Variants in RBM20 observed in about 807,000 individuals in gnomAD.
RBM20 encodes the protein RNA-binding protein 20.
RBM20 carries 51 observed loss-of-function variants against 110.1 expected under a neutral mutation model. That is an observed-to-expected ratio of 0.46 (90% CI 0.37 to 0.59). RBM20 has a LOEUF of 0.59. RBM20 is among the 20% of genes least tolerant of loss of function. The probability of loss-of-function intolerance (pLI) is 0.00; values close to 1 mark genes in which losing one functional copy is unlikely to be tolerated. For synonymous variants in RBM20, 589 were observed against 618.2 expected, an observed-to-expected ratio of 0.95 and a Z score of 0.70; for missense variants, 1,512 against 1,574.9, an observed-to-expected ratio of 0.96 and a Z score of 0.68.
intron 1 of RBM20, among the ~76,000 whole-genome samples, chr10:110,736,445 C>T (rs948879487): frequency 6.6e-5 from 10 of 152,126 alleles, no homozygotes; most frequent in Non-Finnish European, 1.0e-4. Context: ...AAATTTTATA[C>T]ACTTTTTGGA....
At chr10:110,835,819 G>C in intron 13 of RBM20, 49 bp from the exon 14 acceptor site, 1 of 1,535,214 alleles carries the variant, frequency 6.5e-7, no homozygotes, top group Non-Finnish European at 8.8e-7. Flanking sequence ...TCTCCATCTA[G>C]GTCCCTACTA....
chr10:110,750,963 G>A (rs899114808), intron 1 of RBM20, among the ~76,000 whole-genome samples: 1 of 150,086 alleles, frequency 6.7e-6, no homozygotes, highest in Admixed American at 6.6e-5. Context: ...CAGACCTGCT[G>A]ACCACTTCTG....
chr10:110,706,622 C>G (rs1173425569), intron 1 of RBM20, among the ~76,000 whole-genome samples: 2 of 152,170 alleles, frequency 1.3e-5, no homozygotes. Context: ...TCTGGTCTCT[C>G]TTGGGATGAA....
At chr10:110,753,677 C>T (rs1241237749) in intron 1 of RBM20, among the ~76,000 whole-genome samples, 1 of 152,202 alleles carries the variant, frequency 6.6e-6, no homozygotes, top group Non-Finnish European at 1.5e-5. Flanking sequence ...CTCAAAACGA[C>T]ACAAATTCAT....
chr10:110,834,730 G>A (rs1845100480), intron 13 of RBM20, among the ~76,000 whole-genome samples: 2 of 152,242 alleles, frequency 1.3e-5, no homozygotes, highest in East Asian at 1.9e-4. Flanking sequence ...TGACTTCAAA[G>A]TGCACACACT....
At chr10:110,802,206 G>T (rs527643841) in intron 7 of RBM20, among the ~76,000 whole-genome samples, 5 of 152,232 alleles carry the variant, frequency 3.3e-5, no homozygotes, top group Non-Finnish European at 7.4e-5. Context: ...CACCTTCAAG[G>T]TTGAAGTTAG....
rs542557973 is a variant in RBM20 at position 110,803,729 on chromosome 10, A to T, written c.1800+3811A>T. Among the ~76,000 whole-genome samples the T allele has an allele frequency of 2.3e-5, 3 of 130,048 alleles. No homozygotes were observed. The Admixed American group carries it at 2.8e-4, about 12-fold the overall frequency. The allele number at this position is 130,048 out of a possible 152,430, so 85.3% of individuals were successfully genotyped here. A position where few individuals can be genotyped will look rare whatever the true frequency, so the allele number is the denominator to read the frequency against. ...TCAACTACATAGTAATGCATGCTTT[A>T]TGGTCCCTATGTTGATATGAATCAG... On this transcript the variant is annotated intron_variant, in intron 7 of 13. Transcript: ENST00000369519.
chr10:110,702,619 G>C (rs979308239), intron 1 of RBM20, among the ~76,000 whole-genome samples: 4 of 152,234 alleles, frequency 2.6e-5, no homozygotes, highest in African/African-American at 9.6e-5. Context: ...GCTTTCCCCT[G>C]GGTGTTGGGA....
intron 1 of RBM20, among the ~76,000 whole-genome samples, chr10:110,687,995 TTGTGTGTGTGTGTGTGTGTGTG>T (rs60479740): frequency 6.9e-6 from 1 of 145,376 alleles, no homozygotes; most frequent in Non-Finnish European, 1.5e-5. Context: ...CTAAATGGTT[TTGTGTGTGTGTGTGTGTGTGTG>T]TGTGTGTGTG....
intron 1 of RBM20, among the ~76,000 whole-genome samples, chr10:110,676,572 T>C (rs1862343207): frequency 6.6e-6 from 1 of 152,382 alleles, no homozygotes; most frequent in East Asian, 1.9e-4. Flanking sequence ...ACTGTTCATA[T>C]GGTAGTTTTT....
intron 11 of RBM20, among the ~76,000 whole-genome samples, chr10:110,822,777 T>C (rs757353986): frequency 6.6e-6 from 1 of 152,158 alleles, no homozygotes; most frequent in Non-Finnish European, 1.5e-5. Flanking sequence ...GTTAGGTAAC[T>C]GGGAGGCTTG....
chr10:110,680,193 TG>T (rs766016360), intron 1 of RBM20, among the ~76,000 whole-genome samples: 3 of 151,944 alleles, frequency 2.0e-5, no homozygotes, highest in Non-Finnish European at 4.4e-5. Flanking sequence ...GGAATGTTCT[TG>T]GTGGGGGCGG....
rs1376977254 is a variant in RBM20, at chr10:110,835,977, G to A, written c.3683G>A (p.Ter1228=). Residue 1228 remains the stop codon, a stop_retained_variant, in exon 14 of 14, where the codon TGA becomes TAA. Transcript: ENST00000369519. ...CCACGCTTCGAAAGGAAAAAGCTCT[G>A]ATGCTTCTGCTTCTGCTGCTACTGC... ...IVPRFERKKL[*] The A allele has an allele frequency of 8.9e-7, 1 of 1,123,726 alleles. No individual in the cohort carries two copies. Among genetic ancestry groups the A allele is most frequent in the South Asian group, 1.4e-5 (1 of 71,316 alleles). The allele number at this position is 1,123,726 out of a possible 1,614,324, so 69.6% of individuals were successfully genotyped here. A position where few individuals can be genotyped will look rare whatever the true frequency, so the allele number is the denominator to read the frequency against.
intron 1 of RBM20, among the ~76,000 whole-genome samples, chr10:110,694,014 G>C (rs1407661182): frequency 6.6e-6 from 1 of 152,252 alleles, no homozygotes; most frequent in Non-Finnish European, 1.5e-5. Context: ...CACTGGGTCA[G>C]AGAGAGCTAA....
At position 110,644,402 on chromosome 10, in the gene RBM20, AC is replaced by A; in HGVS notation, c.-51del. The A allele has an allele frequency of 7.4e-7, 1 of 1,360,194 alleles. No homozygotes were observed. The highest frequency in any genetic ancestry group is 9.5e-7 in the Non-Finnish European group (1 of 1,052,092). The allele number at this position is 1,360,194 out of a possible 1,614,324, so 84.3% of individuals were successfully genotyped here. A position where few individuals can be genotyped will look rare whatever the true frequency, so the allele number is the denominator to read the frequency against. On this transcript the variant is annotated 5_prime_UTR_variant, in exon 1 of 14. Transcript: ENST00000369519. This position sits in a 1 kb window ranked among gnomAD's most constrained non-coding sequence, Gnocchi z 4.3. ...GGCCAGTGAGCGCCCGTGGCCCGGG[AC>A]CGCCCCTCCCTTGAGCTCTCTCGCC... is the stretch of plus-strand genomic sequence containing the variant.
chr10:110,806,887 G>C (rs1383346232), intron 7 of RBM20, among the ~76,000 whole-genome samples: 2 of 152,206 alleles, frequency 1.3e-5, no homozygotes, highest in African/African-American at 4.8e-5. Flanking sequence ...GCTGGCCAAA[G>C]AGGAAGGTGG....
chr10:110,678,390 A>G (rs1165244161), intron 1 of RBM20, among the ~76,000 whole-genome samples: 1 of 152,242 alleles, frequency 6.6e-6, no homozygotes, highest in Non-Finnish European at 1.5e-5. Flanking sequence ...TGTTGAGACC[A>G]TGATCTTCTC....
intron 13 of RBM20, among the ~76,000 whole-genome samples, chr10:110,832,337 T>G (rs1188354208): frequency 1.3e-5 from 2 of 152,200 alleles, no homozygotes; most frequent in Non-Finnish European, 2.9e-5. Context: ...AGGCTAGGCA[T>G]TACTATTATC....
chr10:110,821,036 A>T (rs1013007488), intron 10 of RBM20, among the ~76,000 whole-genome samples: 14 of 152,316 alleles, frequency 9.2e-5, no homozygotes, highest in Middle Eastern at 3.4e-3. Context: ...GGGGCTTGAA[A>T]TTCTTTGCGT....
Sources: gnomAD v4.1 joint callset for allele counts (sites outside exome capture counted in the v4.1 genomes callset) on GRCh38, gnomAD v4.1.1 for gene constraint, Gnocchi (gnomAD v3.1) non-coding constraint, MANE v1.5 for transcripts, NCBI Gene and HGNC (gene_info 2026-07-23, HGNC 2026-07-21) for gene names.